ZNF746: variants seen among roughly 807,000 people sequenced by gnomAD.
The protein encoded by ZNF746 is parkin-interacting substrate.
A neutral mutation model predicts 41.0 loss-of-function variants in ZNF746; 13 were observed. The observed-to-expected ratio is 0.32, with a 90% CI of 0.21 to 0.50. The LOEUF is 0.50. ZNF746 is among the 20% of genes least tolerant of loss of function. The pLI is 0.98. For missense variants in ZNF746, 811 were observed against 922.9 expected (o/e 0.88, Z 1.57); for synonymous variants, 424 against 396.2 (o/e 1.07, Z -0.83).
In ZNF746 at chr7:149,477,840, C is replaced by T. The variant is rs1272234333; in HGVS notation, c.566-85G>A. The T allele has an allele frequency of 7.4e-6, 9 of 1,208,088 alleles. No homozygotes were observed. The South Asian group carries it at 8.6e-5, about 12-fold the overall frequency. The allele number at this position is 1,208,088 out of a possible 1,614,324, so 74.8% of individuals were successfully genotyped here. The stretch of plus-strand genomic sequence containing the variant: ...ACGCATCCAGCCGGAGAGATAGACA[C>T]AGGGGCCTTACAAGGGTCCAACAGC... On this transcript the variant is annotated intron_variant, in intron 4 of 6. Coordinates refer to ENST00000458143, the MANE Select transcript of ZNF746 (RefSeq NM_001394198.1).
In ZNF746 at chr7:149,497,134, G is replaced by A. The variant is rs1801027784; in HGVS notation, c.24+379C>T. ...GACACCTCCCAGGTGCCACCAGGCC[G>A]CTGCGGGGGAGATGGAGAGGGACCT... On this transcript the variant is annotated intron_variant, in intron 1 of 6. Transcript: ENST00000458143. This position sits in a 1 kb window ranked among gnomAD's most constrained non-coding sequence, Gnocchi z 4.2. 1 of 985,248 alleles carries A rather than the reference G, an allele frequency of 1.0e-6. No homozygotes were observed. 61.0% of individuals were successfully genotyped at this position (985,248 alleles called of 1,614,324 possible).
chr7:149,494,187 A>G lies in ZNF746; in HGVS notation c.324+17T>C, dbSNP rs1800906743. ...TGGCCGCTTGGGCTCCCACACCCCAAGGCGTCCCAGGGCTACCTTAGGGGA... is the reference window on the plus strand; with the variant it reads ...TGGCCGCTTGGGCTCCCACACCCCAGGGCGTCCCAGGGCTACCTTAGGGGA... On this transcript the variant is annotated intron_variant, in intron 2 of 6. Transcript: ENST00000458143. This position sits in a 1 kb window ranked among gnomAD's most constrained non-coding sequence, Gnocchi z 5.6. 6.2e-7 allele frequency: 1 copy of G among 1,613,732 alleles called. No individual in the cohort carries two copies. Among genetic ancestry groups the G allele is most frequent in the South Asian group, 1.1e-5 (1 of 91,068 alleles).
rs548117082 is a variant in ZNF746, at chr7:149,475,123, C to T, written c.1244G>A (p.Gly415Glu). Reference sequence around the variant, plus strand: ...GTTGTCCGGGGAGGAGTAAGGAAGCCCCTCGGGCCCCGTCCTCGGGTTCAG... The same window carrying T: ...GTTGTCCGGGGAGGAGTAAGGAAGCTCCTCGGGCCCCGTCCTCGGGTTCAG... ...VGLNPRTGPE[G>E]LPYSSPDNGE... The change falls in exon 7 of 7, where the codon GGG becomes GAG. Residue 415 changes from glycine (G) to glutamate (E), a missense_variant. Gly to Glu is a moderately conservative substitution (Grantham distance 98). Transcript: ENST00000458143. 4 of 1,611,656 alleles carry T rather than the reference C, an allele frequency of 2.5e-6. No homozygotes were observed. In the African/African-American group the frequency reaches 4.0e-5, roughly 16 times the overall value.
At chr7:149,496,149 G>A (rs1965619) in intron 1 of ZNF746, among the ~76,000 whole-genome samples, 36,962 of 151,928 alleles carry the variant, frequency 0.24, 4,626 homozygotes, top group Middle Eastern at 0.35. Context: ...GCATTATTAT[G>A]GGCTTTGTGT....
Position 149,474,614 on chromosome 7 carries a change from T to C in ZNF746, c.1753A>G (p.Thr585Ala). 6.2e-7 allele frequency: 1 copy of C among 1,613,334 alleles called. No individual in the cohort carries two copies. The highest frequency in any genetic ancestry group is 1.1e-5 in the South Asian group (1 of 91,020). The change falls in exon 7 of 7, where the codon ACC becomes GCC. Residue 585 changes from threonine to alanine, a missense_variant. Coordinates refer to ENST00000458143, the MANE Select transcript of ZNF746 (RefSeq NM_001394198.1). This position sits in a 1 kb window ranked among gnomAD's most constrained non-coding sequence, Gnocchi z 6.3. ...THTGVRPFTC[T>A]VCGKSFIRKD... Reference sequence around the variant, plus strand: ...CGGATGAAGCTTTTGCCGCAGACGGTGCAGGTGAAGGGCCGCACGCCCGTG... The same window carrying C: ...CGGATGAAGCTTTTGCCGCAGACGGCGCAGGTGAAGGGCCGCACGCCCGTG...
In ZNF746 at chr7:149,493,927, G is replaced by A. The variant is rs995047241; in HGVS notation, c.451+62C>T. The A allele has an allele frequency of 3.6e-5, 58 of 1,613,046 alleles. No individual in the cohort carries two copies. In the African/African-American group the frequency reaches 7.1e-4, roughly 20 times the overall value. On this transcript the variant is annotated intron_variant, in intron 3 of 6. Transcript: ENST00000458143. ...ACACTGACATGAAAACAACTATGTG[G>A]AGGGAGAATTCTGAGGACTTGCAAA...
chr7:149,483,144 A>C (rs1489471516), intron 4 of ZNF746, among the ~76,000 whole-genome samples: 1 of 152,194 alleles, frequency 6.6e-6, no homozygotes, highest in Non-Finnish European at 1.5e-5. Context: ...TACATACTAA[A>C]ATTTTAAAAT....
Position 149,474,853 on chromosome 7 carries a change from C to T in ZNF746, c.1514G>A (p.Gly505Asp). The change falls in exon 7 of 7, where the codon GGC (glycine) becomes GAC (aspartate). Residue 505 changes from glycine to aspartate, a missense_variant. Transcript: ENST00000458143. The surrounding 1 kb of genome is among the most constrained non-coding windows in gnomAD (Gnocchi z 6.3). ...GCCACCGCCGCCGCCACTGCCGCTG[C>T]CGCCACCGCCTGTGCCCGGGCCCGA... ...DGSGPGTGGGGSGSGGGGGGS... is the reference protein window; with the variant it reads ...DGSGPGTGGGDSGSGGGGGGS... 7.0e-7 allele frequency: 1 copy of T among 1,429,808 alleles called. No individual in the cohort carries two copies. Among genetic ancestry groups the T allele is most frequent in the Non-Finnish European group, 9.1e-7 (1 of 1,099,062 alleles). The allele number at this position is 1,429,808 out of a possible 1,614,324, so 88.6% of individuals were successfully genotyped here. A position where few individuals can be genotyped will look rare whatever the true frequency, so the allele number is the denominator to read the frequency against.
At chr7:149,487,105 C>G (rs951508295) in intron 4 of ZNF746, among the ~76,000 whole-genome samples, 8 of 152,096 alleles carry the variant, frequency 5.3e-5, no homozygotes, top group Non-Finnish European at 5.9e-5. Flanking sequence ...AGCGCGAACC[C>G]TATTGTGAAC....
intron 4 of ZNF746, among the ~76,000 whole-genome samples, chr7:149,486,040 A>G (rs1800612872): frequency 1.3e-5 from 2 of 152,348 alleles, no homozygotes; most frequent in South Asian, 4.1e-4. Flanking sequence ...CTCTGTCAAC[A>G]AAAAACAACT....
rs35195599 is a variant in ZNF746 at position 149,482,467 on chromosome 7, GTTTT to G, written c.566-4716_566-4713del. 3.2e-4 allele frequency among the ~76,000 whole-genome samples: 46 copies of G among 144,662 alleles called. 1 individual carries two copies. Among genetic ancestry groups the G allele is most frequent in the Non-Finnish European group, 1.4e-4 (9 of 66,234 alleles). 94.9% of individuals were successfully genotyped at this position (144,662 alleles called of 152,430 possible). On this transcript the variant is annotated intron_variant, in intron 4 of 6. Coordinates refer to ENST00000458143, the MANE Select transcript of ZNF746 (RefSeq NM_001394198.1). The stretch of plus-strand genomic sequence containing the variant: ...ACCAGGAAGATAAAGTAATTCTAAG[GTTTT>G]TTTTTTTTTTTGAGATGGAGCCTTG...
At chr7:149,492,296 C>T (rs1376253147) in intron 4 of ZNF746, among the ~76,000 whole-genome samples, 6 of 152,210 alleles carry the variant, frequency 3.9e-5, no homozygotes, top group African/African-American at 1.4e-4. Flanking sequence ...GCTCCACTTC[C>T]ACTTAATGAG....
intron 3 of ZNF746, 28 bp from the exon 4 acceptor site, chr7:149,493,000 G>C (rs746334591): frequency 6.6e-7 from 1 of 1,524,648 alleles, no homozygotes; most frequent in Non-Finnish European, 9.1e-7. Context: ...GTTAGTTTTT[G>C]CCACGTTCCA....
chr7:149,474,338 G>A lies in ZNF746; in HGVS notation c.*46C>T. 1 of 1,563,240 alleles carries A rather than the reference G, an allele frequency of 6.4e-7. No individual in the cohort carries two copies. The highest frequency in any genetic ancestry group is 8.7e-7 in the Non-Finnish European group (1 of 1,154,300). ...ACGCCGCCCTGCTGCCTGCACACGG[G>A]GCTTTTTACACGTGCGGCCGGCAGG... On this transcript the variant is annotated 3_prime_UTR_variant, in exon 7 of 7. Transcript: ENST00000458143. The surrounding 1 kb of genome is among the most constrained non-coding windows in gnomAD (Gnocchi z 6.3).
Position 149,491,971 on chromosome 7 carries a change from C to T in ZNF746, c.565+888G>A, listed in dbSNP as rs142376059. Reference sequence around the variant, plus strand: ...GCTGATATCTGGTAACAAGATTCACCTTAAATAAATGTGTGCTTCTAATAA... The same window carrying T: ...GCTGATATCTGGTAACAAGATTCACTTTAAATAAATGTGTGCTTCTAATAA... On this transcript the variant is annotated intron_variant, in intron 4 of 6. Coordinates refer to ENST00000458143, the MANE Select transcript of ZNF746 (RefSeq NM_001394198.1). The T allele has an allele frequency of 1.1e-4, 80 of 702,944 alleles. 1 individual carries two copies. In the East Asian group the frequency reaches 2.0e-3, roughly 18 times the overall value. The allele number at this position is 702,944 out of a possible 1,614,324, so 43.5% of individuals were successfully genotyped here.
intron 4 of ZNF746, among the ~76,000 whole-genome samples, chr7:149,479,913 A>G (rs548892446): frequency 7.2e-5 from 11 of 152,288 alleles, no homozygotes; most frequent in African/African-American, 2.6e-4. Context: ...TAAACAAACA[A>G]AAAAAGCCAG....
At chr7:149,496,164 T>A (rs1433755443) in intron 1 of ZNF746, among the ~76,000 whole-genome samples, 1 of 152,252 alleles carries the variant, frequency 6.6e-6, no homozygotes, top group African/African-American at 2.4e-5. Flanking sequence ...TTGTGTGGCA[T>A]GAAAGGGACC....
rs146604794 is a variant in ZNF746, at chr7:149,476,142, G to A, written c.884-659C>T. Reference sequence around the variant, plus strand: ...ATCCTGGCTAACATGGTGAAACGCCGTCTCTACTAAAAATACGAAAAATTA... The same window carrying A: ...ATCCTGGCTAACATGGTGAAACGCCATCTCTACTAAAAATACGAAAAATTA... On this transcript the variant is annotated intron_variant, in intron 6 of 6. Coordinates refer to ENST00000458143, the MANE Select transcript of ZNF746 (RefSeq NM_001394198.1). Among the ~76,000 whole-genome samples the A allele has an allele frequency of 2.0e-3, 297 of 151,980 alleles. 2 individuals are homozygous for A. The highest frequency in any genetic ancestry group is 0.014 in the Middle Eastern group (4 of 294).
At chr7:149,477,256 C>G (rs60065714) in intron 5 of ZNF746, among the ~76,000 whole-genome samples, 19 of 152,088 alleles carry the variant, frequency 1.2e-4, no homozygotes, top group Non-Finnish European at 2.5e-4. Flanking sequence ...ATGTTTCCCA[C>G]GGGCCCCTCT....
Sources: allele counts gnomAD v4.1 joint callset (sites outside exome capture counted in the v4.1 genomes callset), GRCh38; gene constraint gnomAD v4.1.1; non-coding constraint Gnocchi (gnomAD v3.1); transcripts MANE v1.5; gene names NCBI Gene and HGNC (gene_info 2026-07-23, HGNC 2026-07-21).